CLGN: variants seen among roughly 807,000 people sequenced by gnomAD.
CLGN encodes testis tissue sperm-binding protein Li 79P.
CLGN carries 62 observed loss-of-function variants against 79.1 expected under a neutral mutation model. That is an observed-to-expected ratio of 0.78 (90% confidence interval 0.64 to 0.97). The LOEUF (loss-of-function observed/expected upper bound fraction) is 0.97, where lower values mean the gene tolerates loss of function less well. CLGN is among the 50% of genes least tolerant of loss of function. CLGN has a pLI of 0.00. For synonymous variants in CLGN, 225 were observed against 224.7 expected, an observed-to-expected ratio of 1.00 and a Z score of -0.01; for missense variants, 647 against 715.5, an observed-to-expected ratio of 0.90 and a Z score of 1.09.
At chr4:140,394,066 T>A (rs777879388) in intron 10 of CLGN, 25 bp from the exon 11 acceptor site, 4 of 1,524,400 alleles carry the variant, frequency 2.6e-6, no homozygotes, top group Non-Finnish European at 3.6e-6. Flanking sequence ...ATTGAAGACA[T>A]TTTCAAATAA....
chr4:140,391,151 C>A (rs1446595153), intron 13 of CLGN, among the ~76,000 whole-genome samples: 1 of 151,646 alleles, frequency 6.6e-6, no homozygotes, highest in South Asian at 2.1e-4. Context: ...GAACCTCCAA[C>A]TTTTGTCATC....
At chr4:140,415,393 G>C (rs1378755043) in intron 1 of CLGN, among the ~76,000 whole-genome samples, 1 of 150,820 alleles carries the variant, frequency 6.6e-6, no homozygotes, top group Non-Finnish European at 1.5e-5. Flanking sequence ...CCAATTAAAA[G>C]ACACAGACTG....
Position 140,400,351 on chromosome 4 carries a change from G to A in CLGN, c.694+6C>T. On this transcript the variant is annotated splice_donor_region_variant and intron_variant, in intron 7 of 14. Coordinates refer to ENST00000325617, the MANE Select transcript of CLGN (RefSeq NM_004362.3). The stretch of plus-strand genomic sequence containing the variant: ...TTGAATACATGAATGAATTAAAAGG[G>A]TATACCAAGGGTATAAAGATGAGTC... The A allele has an allele frequency of 1.3e-6, 2 of 1,567,542 alleles. No homozygotes were observed. The highest frequency in any genetic ancestry group is 8.7e-7 in the Non-Finnish European group (1 of 1,144,472).
chr4:140,400,430 C>T lies in CLGN; in HGVS notation c.621G>A (p.Glu207=). ...CTACATCTGGAGGTTTGGCATGTTT[C>T]TCTTCGAAAACTCCAGTTTTGGGAT... ...HKHPKTGVFE[E]KHAKPPDVDL... is the part of the protein sequence containing the mutation. Residue 207 remains glutamate (E), a synonymous_variant, in exon 7 of 15, where the codon GAG becomes GAA. Transcript: ENST00000325617. 1 of 1,613,242 alleles carries T rather than the reference C, an allele frequency of 6.2e-7. No homozygotes were observed.
chr4:140,398,777 G>T, intron 8 of CLGN, 74 bp downstream of exon 8: 1 of 1,296,976 alleles, frequency 7.7e-7, no homozygotes, highest in Non-Finnish European at 1.1e-6. Context: ...TTCATGGGTT[G>T]TAAACTTCAC....
At chr4:140,402,920 C>T (rs1729025530) in intron 5 of CLGN, among the ~76,000 whole-genome samples, 1 of 151,810 alleles carries the variant, frequency 6.6e-6, no homozygotes, top group Non-Finnish European at 1.5e-5. Flanking sequence ...AGAGAAATAA[C>T]CAGAAATAAT....
chr4:140,390,809 G>A lies in CLGN; in HGVS notation c.1652-81C>T, dbSNP rs571822411. ...GAAAAGTATTAAATACAATAAATGG[G>A]ATTTATTTAAATTCCAAGATTTATT... On this transcript the variant is annotated intron_variant, in intron 13 of 14. Transcript: ENST00000325617. The A allele has an allele frequency of 4.1e-4, 301 of 734,674 alleles. 2 individuals carry two copies. In the East Asian group the frequency reaches 9.6e-3, roughly 24 times the overall value. The allele number at this position is 734,674 out of a possible 1,614,324, so 45.5% of individuals were successfully genotyped here.
intron 8 of CLGN, 71 bp downstream of exon 8, chr4:140,398,780 A>G (rs1360995484): frequency 2.3e-6 from 3 of 1,324,406 alleles, no homozygotes; most frequent in Non-Finnish European, 3.2e-6. Context: ...ATGGGTTGTA[A>G]ACTTCACTTA....
At chr4:140,398,363 G>A (rs2126618481) in intron 8 of CLGN, among the ~76,000 whole-genome samples, 1 of 146,508 alleles carries the variant, frequency 6.8e-6, no homozygotes, top group South Asian at 2.1e-4. Flanking sequence ...TCTGCCTCCT[G>A]GGTTCAAGCA....
intron 5 of CLGN, among the ~76,000 whole-genome samples, chr4:140,403,949 G>C (rs1041260761): frequency 6.6e-6 from 1 of 152,158 alleles, no homozygotes; most frequent in Non-Finnish European, 1.5e-5. Context: ...AGCAATTACT[G>C]TTAGGTGGGA....
chr4:140,404,945 G>A (rs972533589), intron 5 of CLGN, among the ~76,000 whole-genome samples: 21 of 151,412 alleles, frequency 1.4e-4, no homozygotes, highest in African/African-American at 4.6e-4. Flanking sequence ...CATGAGGCAT[G>A]AGGCACCATG....
At chr4:140,416,107 T>A (rs1729324634) in intron 1 of CLGN, among the ~76,000 whole-genome samples, 1 of 56,416 alleles carries the variant, frequency 1.8e-5, no homozygotes, top group African/African-American at 9.1e-5. Flanking sequence ...GACTACTGGG[T>A]ACATAACGAA....
Position 140,392,407 on chromosome 4 carries a change from C to G in CLGN, c.1492-29G>C, listed in dbSNP as rs1728792133. The G allele has an allele frequency of 2.5e-6, 4 of 1,568,982 alleles. No homozygotes were observed. In the East Asian group the frequency reaches 9.0e-5, roughly 35 times the overall value. ...TGGTAGTTAACATAAGTTATTTTTA[C>G]TAAAGGCAGAGTGCTATTTTGAAAG... On this transcript the variant is annotated intron_variant, in intron 12 of 14. Transcript: ENST00000325617.
At chr4:140,391,730 G>A (rs1036432976) in intron 13 of CLGN, among the ~76,000 whole-genome samples, 3 of 151,806 alleles carry the variant, frequency 2.0e-5, no homozygotes, top group African/African-American at 7.2e-5. Flanking sequence ...GGGTGAGAAG[G>A]GGATATAGGT....
chr4:140,390,081 C>T (rs1455561555), intron 14 of CLGN, among the ~76,000 whole-genome samples: 1 of 148,110 alleles, frequency 6.8e-6, no homozygotes, highest in East Asian at 2.0e-4. Flanking sequence ...TAATAACTTA[C>T]AAAAAAAAAG....
chr4:140,416,779 G>C (rs1729341708), intron 1 of CLGN, among the ~76,000 whole-genome samples: 1 of 152,066 alleles, frequency 6.6e-6, no homozygotes, highest in African/African-American at 2.4e-5. Context: ...GTACAAGGAG[G>C]AACTGCTACC....
At position 140,413,090 on chromosome 4, in the gene CLGN, G is replaced by C; in HGVS notation, c.-9-3C>G. The stretch of plus-strand genomic sequence containing the variant: ...GCTTGGAAATGCATATTGATTATCT[G>C]TGAAATTAAAAGTAATTAGTGAAAA... On this transcript the variant is annotated splice_region_variant and splice_polypyrimidine_tract_variant and intron_variant, in intron 1 of 14. Coordinates refer to ENST00000325617, the MANE Select transcript of CLGN (RefSeq NM_004362.3). 1.2e-6 allele frequency: 2 copies of C among 1,601,678 alleles called. No homozygotes were observed. The highest frequency in any genetic ancestry group is 1.7e-6 in the Non-Finnish European group (2 of 1,175,474).
At chr4:140,422,702 G>A (rs1057188089) in intron 1 of CLGN, among the ~76,000 whole-genome samples, 1 of 152,108 alleles carries the variant, frequency 6.6e-6, no homozygotes, top group African/African-American at 2.4e-5. Context: ...TTGCAGCCTT[G>A]AACTCCTGGA....
At chr4:140,422,666 G>C (rs1729493165) in intron 1 of CLGN, among the ~76,000 whole-genome samples, 1 of 152,110 alleles carries the variant, frequency 6.6e-6, no homozygotes, top group Non-Finnish European at 1.5e-5. Context: ...ACCCAGGCTG[G>C]AGTGCAGTGG....
Sources: allele counts gnomAD v4.1 joint callset (sites outside exome capture counted in the v4.1 genomes callset), GRCh38; gene constraint gnomAD v4.1.1; transcripts MANE v1.5; gene names NCBI Gene and HGNC (gene_info 2026-07-23, HGNC 2026-07-21).